PTDSS1: variants seen among roughly 807,000 people sequenced by gnomAD.
PTDSS1 encodes the protein phosphatidylserine synthase 1.
A neutral mutation model predicts 70.5 loss-of-function variants in PTDSS1; 45 were observed. The observed-to-expected ratio is 0.64, with a 90% CI of 0.50 to 0.82. PTDSS1 has a LOEUF of 0.82. PTDSS1 is among the 40% of genes least tolerant of loss of function. PTDSS1 has a pLI of 0.00. For missense variants in PTDSS1, 417 were observed against 586.1 expected (o/e 0.71, Z 2.98); for synonymous variants, 188 against 203.8 (o/e 0.92, Z 0.66).
At chr8:96,275,679 C>T (rs1810631031) in intron 2 of PTDSS1, among the ~76,000 whole-genome samples, 1 of 152,152 alleles carries the variant, frequency 6.6e-6, no homozygotes, top group Non-Finnish European at 1.5e-5. Flanking sequence ...AAGGAAATGG[C>T]AAACTCTATC....
chr8:96,319,777 G>A (rs886538698), intron 9 of PTDSS1, among the ~76,000 whole-genome samples: 6 of 152,138 alleles, frequency 3.9e-5, no homozygotes, highest in African/African-American at 9.7e-5. Flanking sequence ...TCTCACCTGC[G>A]ACATGCTAGG....
intron 8 of PTDSS1, 34 bp downstream of exon 8, chr8:96,306,590 A>G (rs760992730): frequency 1.4e-5 from 21 of 1,492,798 alleles, no homozygotes; most frequent in African/African-American, 2.8e-5. Context: ...TCATATGAGA[A>G]CATTAACTTG....
At chr8:96,274,103 G>A (rs761012111) in intron 2 of PTDSS1, among the ~76,000 whole-genome samples, 14 of 149,474 alleles carry the variant, frequency 9.4e-5, no homozygotes, top group Non-Finnish European at 1.8e-4. Context: ...CTTGTTCGCC[G>A]TAGCCGTAGC....
intron 1 of PTDSS1, among the ~76,000 whole-genome samples, chr8:96,264,532 T>G (rs1483153110): frequency 6.6e-6 from 1 of 152,194 alleles, no homozygotes; most frequent in African/African-American, 2.4e-5. Context: ...TCATCTTAGG[T>G]GTGGGCTTGA....
At chr8:96,311,139 T>C (rs1053635739) in intron 9 of PTDSS1, among the ~76,000 whole-genome samples, 2 of 152,226 alleles carry the variant, frequency 1.3e-5, no homozygotes, top group South Asian at 2.1e-4. Context: ...AACCTCTTGC[T>C]GTTAAATGTG....
intron 9 of PTDSS1, among the ~76,000 whole-genome samples, chr8:96,310,163 C>T (rs1164246243): frequency 7.4e-6 from 1 of 134,388 alleles, no homozygotes; most frequent in Non-Finnish European, 1.6e-5. Flanking sequence ...AGAAATGGAT[C>T]TCTCTCTTTT....
At chr8:96,299,666 T>C (rs1811023603) in intron 5 of PTDSS1, 28 bp from the exon 6 acceptor site, 1 of 1,569,442 alleles carries the variant, frequency 6.4e-7, no homozygotes. Context: ...TGTTTATTTT[T>C]CCAACCATGG....
At chr8:96,286,874 G>A (rs750957323) in intron 3 of PTDSS1, 148 bp from the exon 4 acceptor site, 100 of 1,031,806 alleles carry the variant, frequency 9.7e-5, no homozygotes, top group Admixed American at 4.5e-4. Flanking sequence ...CCTCATCAAG[G>A]GAAATCCCAG....
At chr8:96,301,431 T>G (rs764621052) in intron 6 of PTDSS1, among the ~76,000 whole-genome samples, 17 of 152,034 alleles carry the variant, frequency 1.1e-4, no homozygotes, top group Non-Finnish European at 1.9e-4. Context: ...GGTGGATTTT[T>G]TATTTAAACA....
intron 1 of PTDSS1, among the ~76,000 whole-genome samples, chr8:96,271,763 C>T (rs2130001689): frequency 6.6e-6 from 1 of 152,312 alleles, no homozygotes; most frequent in East Asian, 1.9e-4. Context: ...AAAACAGTTT[C>T]TATTTTAACT....
At chr8:96,264,704 A>G (rs1810462903) in intron 1 of PTDSS1, among the ~76,000 whole-genome samples, 1 of 152,194 alleles carries the variant, frequency 6.6e-6, no homozygotes, top group Non-Finnish European at 1.5e-5. Context: ...CTTTTCTGAT[A>G]TAAAAAGTCA....
At position 96,294,520 on chromosome 8, in the gene PTDSS1, C is replaced by T. The variant is rs551162184; in HGVS notation, c.442-578C>T. On this transcript the variant is annotated intron_variant, in intron 4 of 12. Transcript: ENST00000517309. The stretch of plus-strand genomic sequence containing the variant: ...TTTTAATATTTAAATTATGTAGTAT[C>T]CGATATATTTTTGGGGAGGGGAGTT... Among the ~76,000 whole-genome samples the T allele has an allele frequency of 2.8e-4, 42 of 152,168 alleles. 1 individual carries two copies. The South Asian group carries it at 8.3e-3, about 30-fold the overall frequency.
At chr8:96,296,132 CTTTTTTTTTTTTT>C (rs34559310) in intron 5 of PTDSS1, among the ~76,000 whole-genome samples, 3 of 54,270 alleles carry the variant, frequency 5.5e-5, no homozygotes, top group Non-Finnish European at 1.1e-4. Flanking sequence ...TCATGGTGTT[CTTTTTTTTTTTTT>C]TTTTTTTTTT....
intron 9 of PTDSS1, among the ~76,000 whole-genome samples, chr8:96,312,978 G>A (rs557339773): frequency 6.6e-6 from 1 of 152,158 alleles, no homozygotes; most frequent in Non-Finnish European, 1.5e-5. Flanking sequence ...ATTTTGGAAT[G>A]ATCTCAGACT....
chr8:96,313,339 G>T (rs140412604), intron 9 of PTDSS1, among the ~76,000 whole-genome samples: 10 of 152,336 alleles, frequency 6.6e-5, no homozygotes, highest in East Asian at 1.9e-4. Flanking sequence ...GAAAGCAGCC[G>T]TGTGGAAAGG....
intron 8 of PTDSS1, 30 bp from the exon 9 acceptor site, chr8:96,309,527 T>A: frequency 6.2e-7 from 1 of 1,604,022 alleles, no homozygotes; most frequent in South Asian, 1.1e-5. Flanking sequence ...TTCCAGCAGC[T>A]CTCAATGAAT....
intron 3 of PTDSS1, among the ~76,000 whole-genome samples, chr8:96,285,053 A>G (rs1227651985): frequency 1.3e-5 from 2 of 152,250 alleles, no homozygotes; most frequent in Non-Finnish European, 2.9e-5. Flanking sequence ...CTAGTAAACA[A>G]ACTATTACAC....
intron 10 of PTDSS1, among the ~76,000 whole-genome samples, chr8:96,324,718 T>C (rs1380877382): frequency 6.6e-6 from 1 of 152,236 alleles, no homozygotes; most frequent in Non-Finnish European, 1.5e-5. Context: ...CTCCTAATAC[T>C]GTTAAGTTGG....
At position 96,304,130 on chromosome 8, in the gene PTDSS1, A is replaced by G; in HGVS notation, c.843A>G (p.Lys281=). ...CCTATGTTCGATGGTTTGACCCCAA[A>G]TCTTCTTTTCAGAGAGTAGCTGGAG... ...SWTYVRWFDP[K]SSFQRVAGVY... is the part of the protein sequence containing the mutation. Residue 281 remains lysine (K), a synonymous_variant, in exon 7 of 13, where the codon AAA becomes AAG. Coordinates refer to ENST00000517309, the MANE Select transcript of PTDSS1 (RefSeq NM_014754.3). 1 of 1,613,994 alleles carries G rather than the reference A, an allele frequency of 6.2e-7. No homozygotes were observed. Among genetic ancestry groups the G allele is most frequent in the Non-Finnish European group, 8.5e-7 (1 of 1,179,968 alleles).
Sources: allele counts gnomAD v4.1 joint callset (sites outside exome capture counted in the v4.1 genomes callset), GRCh38; gene constraint gnomAD v4.1.1; transcripts MANE v1.5; gene names NCBI Gene and HGNC (gene_info 2026-07-23, HGNC 2026-07-21).